NXPE2: variants seen among roughly 807,000 people sequenced by gnomAD.
NXPE2 encodes neurexophilin and PC-esterase domain family member 2.
Under a neutral mutation model 34.4 loss-of-function variants are expected in NXPE2, and 34 were observed. The ratio of observed to expected loss-of-function variants is 0.99; its 90% CI spans 0.75 to 1.31. NXPE2 has a LOEUF of 1.31. Ranked by LOEUF, NXPE2 falls within the 40% of genes most tolerant of loss-of-function variation. The probability of loss-of-function intolerance (pLI) is 0.00; values close to 1 mark genes in which losing one functional copy is unlikely to be tolerated. For missense variants in NXPE2, 649 were observed against 672.5 expected (o/e 0.97, Z 0.39); for synonymous variants, 235 against 231.3 (o/e 1.02, Z -0.15).
the NXPE2 span, among the ~76,000 whole-genome samples, chr11:114,494,463 C>G: frequency 6.6e-6 from 1 of 151,984 alleles, no homozygotes; most frequent in East Asian, 1.9e-4. Context: ...TCTTTCTTCT[C>G]CTTGATCATT....
the NXPE2 span, among the ~76,000 whole-genome samples, chr11:114,771,939 A>G: frequency 6.6e-6 from 1 of 152,342 alleles, no homozygotes; most frequent in African/African-American, 2.4e-5. Context: ...TCTCTCACCA[A>G]TTAAAGTAGA....
chr11:114,522,615 G>A, the NXPE2 span: 1 of 899,262 alleles, frequency 1.1e-6, no homozygotes. Flanking sequence ...GCTCACTGGA[G>A]CCTTTCTACT....
chr11:114,799,238 A>G, the NXPE2 span, among the ~76,000 whole-genome samples: 1 of 148,478 alleles, frequency 6.7e-6, no homozygotes, highest in South Asian at 2.1e-4. Context: ...ATAATTAATA[A>G]GAAGAAAAGG....
At chr11:114,608,710 A>G in the NXPE2 span, among the ~76,000 whole-genome samples, 29 of 151,684 alleles carry the variant, frequency 1.9e-4, no homozygotes, top group Non-Finnish European at 3.7e-4. Flanking sequence ...AACCAGGTGG[A>G]TAATAAGTAC....
At chr11:114,491,835 A>T in the NXPE2 span, among the ~76,000 whole-genome samples, 1 of 152,226 alleles carries the variant, frequency 6.6e-6, no homozygotes, top group African/African-American at 2.4e-5. Flanking sequence ...AGCCATAAAA[A>T]ATGAAGAGTT....
chr11:114,706,259 TA>T, intron 5 of NXPE2, 135 bp from the exon 6 acceptor site: 2 of 674,822 alleles, frequency 3.0e-6, no homozygotes, highest in Non-Finnish European at 4.6e-6. Context: ...ATGCACCTGG[TA>T]AAATTATCCA....
At chr11:114,623,031 T>G in the NXPE2 span, among the ~76,000 whole-genome samples, 1 of 152,126 alleles carries the variant, frequency 6.6e-6, no homozygotes, top group Non-Finnish European at 1.5e-5. Flanking sequence ...GGGAAACCCC[T>G]GTTACCCGGT....
chr11:114,760,473 A>G, the NXPE2 span, among the ~76,000 whole-genome samples: 4 of 152,240 alleles, frequency 2.6e-5, no homozygotes, highest in East Asian at 5.8e-4. Context: ...AACAACAACA[A>G]CAGCAAAAAC....
At chr11:114,654,606 G>A in the NXPE2 span, among the ~76,000 whole-genome samples, 1 of 152,108 alleles carries the variant, frequency 6.6e-6, no homozygotes. Context: ...GTTTGCTGAG[G>A]ATGATGGCTT....
At chr11:114,706,364 T>A in intron 5 of NXPE2, 31 bp from the exon 6 acceptor site, 1 of 1,478,336 alleles carries the variant, frequency 6.8e-7, no homozygotes, top group South Asian at 1.4e-5. Flanking sequence ...TTTCCTTTTG[T>A]TAAAATATTT....
At chr11:114,501,556 A>G in the NXPE2 span, among the ~76,000 whole-genome samples, 3 of 152,202 alleles carry the variant, frequency 2.0e-5, no homozygotes, top group Admixed American at 2.0e-4. Flanking sequence ...AAGTTACAAA[A>G]ACCATTGAAT....
the NXPE2 span, among the ~76,000 whole-genome samples, chr11:114,744,485 G>A: frequency 2.0e-5 from 3 of 152,112 alleles, no homozygotes; most frequent in Non-Finnish European, 4.4e-5. Context: ...ATGTTACTTA[G>A]AGTACAAAAT....
intron 2 of NXPE2, among the ~76,000 whole-genome samples, chr11:114,695,128 C>T (rs1951225034): frequency 6.6e-6 from 1 of 152,056 alleles, no homozygotes; most frequent in South Asian, 2.1e-4. Flanking sequence ...GATATTGTGT[C>T]AGAGGCTACA....
chr11:114,594,531 T>A, the NXPE2 span: 4 of 653,282 alleles, frequency 6.1e-6, no homozygotes, highest in Non-Finnish European at 1.1e-5. Flanking sequence ...TTATCAGGTA[T>A]GTTGTTTGGT....
At chr11:114,529,091 AGCTTATGG>A in the NXPE2 span, 1 of 340,012 alleles carries the variant, frequency 2.9e-6, no homozygotes, top group Middle Eastern at 7.9e-4. Flanking sequence ...TTTTTTTGAA[AGCTTATGG>A]AAAAAAGACT....
At chr11:114,686,089 CT>C (rs1287684463) in intron 2 of NXPE2, among the ~76,000 whole-genome samples, 2 of 151,992 alleles carry the variant, frequency 1.3e-5, no homozygotes, top group African/African-American at 4.8e-5. Flanking sequence ...CATGAGATTT[CT>C]CTATAATTTA....
chr11:114,571,828 T>G, the NXPE2 span, among the ~76,000 whole-genome samples: 1 of 152,322 alleles, frequency 6.6e-6, no homozygotes, highest in South Asian at 2.1e-4. Flanking sequence ...GGATCACCAC[T>G]GCAGGCTCTC....
At chr11:114,641,886 G>T in the NXPE2 span, among the ~76,000 whole-genome samples, 2 of 152,094 alleles carry the variant, frequency 1.3e-5, no homozygotes, top group South Asian at 4.2e-4. Flanking sequence ...CATCTGAATT[G>T]GTGTTCTCAT....
chr11:114,494,903 T>C, the NXPE2 span, among the ~76,000 whole-genome samples: 4 of 152,350 alleles, frequency 2.6e-5, no homozygotes, highest in African/African-American at 9.6e-5. Flanking sequence ...CTTTGGTCAC[T>C]GCAACCATAC....
Sources: gnomAD v4.1 joint callset for allele counts (sites outside exome capture counted in the v4.1 genomes callset) on GRCh38, gnomAD v4.1.1 for gene constraint, MANE v1.5 for transcripts, NCBI Gene and HGNC (gene_info 2026-07-23, HGNC 2026-07-21) for gene names.